Variants in MACROD2 observed in about 807,000 individuals in gnomAD.
MACROD2 encodes the protein mono-ADP ribosylhydrolase 2.
A neutral mutation model predicts 70.4 loss-of-function variants in MACROD2; 36 were observed. The ratio of observed to expected loss-of-function variants is 0.51; its 90% CI spans 0.39 to 0.68. MACROD2 has a LOEUF of 0.68. Ranked by LOEUF, MACROD2 falls within the 30% of genes least tolerant of loss-of-function variation. The pLI is 0.00. For missense variants in MACROD2, 496 were observed against 538.4 expected (o/e 0.92, Z 0.78); for synonymous variants, 172 against 178.8 (o/e 0.96, Z 0.30).
At chr20:14,849,782 A>G (rs2073179742) in intron 5 of MACROD2, 1 of 274,580 alleles carries the variant, frequency 3.6e-6, no homozygotes, top group East Asian at 1.1e-4. Flanking sequence ...CTTTGTCTCA[A>G]AATAAATACA....
intron 8 of MACROD2, among the ~76,000 whole-genome samples, chr20:15,541,893 C>A (rs140077830): frequency 6.6e-6 from 1 of 152,208 alleles, no homozygotes; most frequent in Non-Finnish European, 1.5e-5. Context: ...CCCACTACAC[C>A]ACATGGGAAT....
intron 4 of MACROD2, among the ~76,000 whole-genome samples, chr20:14,567,537 A>T (rs190636418): frequency 1.3e-5 from 2 of 152,048 alleles, no homozygotes; most frequent in Non-Finnish European, 2.9e-5. Context: ...ACATGCTAGC[A>T]TGGCTATACT....
At chr20:14,454,418 G>GT (rs56799693) in intron 3 of MACROD2, among the ~76,000 whole-genome samples, 38,124 of 145,616 alleles carry the variant, frequency 0.26, 5,001 homozygotes, top group Admixed American at 0.31. Context: ...TTCCACATGA[G>GT]TTTTTTTTTT....
intron 4 of MACROD2, among the ~76,000 whole-genome samples, chr20:14,591,675 G>A (rs1041561978): frequency 5.9e-5 from 9 of 152,116 alleles, no homozygotes; most frequent in Non-Finnish European, 5.9e-5. Context: ...TTGAGGAGAC[G>A]TTTTTATGCA....
intron 4 of MACROD2, among the ~76,000 whole-genome samples, chr20:14,579,187 TGC>T (rs1980833886): frequency 7.5e-6 from 1 of 132,748 alleles, no homozygotes; most frequent in Non-Finnish European, 1.6e-5. Context: ...CAGGCCGGAC[TGC>T]GGACTGCAGT....
chr20:15,344,280 G>T (rs2078140385), intron 6 of MACROD2, among the ~76,000 whole-genome samples: 1 of 151,990 alleles, frequency 6.6e-6, no homozygotes, highest in Non-Finnish European at 1.5e-5. Flanking sequence ...TTTTCTCCTT[G>T]GTACTGTCCA....
intron 3 of MACROD2, among the ~76,000 whole-genome samples, chr20:14,098,415 A>AAC (rs1044881078): frequency 6.0e-4 from 91 of 152,320 alleles, no homozygotes; most frequent in African/African-American, 2.1e-3. Flanking sequence ...AGTGTACGTT[A>AAC]ACAATGTGTT....
chr20:14,474,871 G>T (rs1265876812), intron 3 of MACROD2, among the ~76,000 whole-genome samples: 1 of 152,102 alleles, frequency 6.6e-6, no homozygotes, highest in Non-Finnish European at 1.5e-5. Flanking sequence ...TACAGGTAAA[G>T]TGAGTTTCTT....
chr20:14,136,876 C>A (rs1163922869), intron 3 of MACROD2, among the ~76,000 whole-genome samples: 1 of 152,188 alleles, frequency 6.6e-6, no homozygotes, highest in African/African-American at 2.4e-5. Flanking sequence ...AACTCAAATT[C>A]CATCTGCCCC....
intron 6 of MACROD2, among the ~76,000 whole-genome samples, chr20:15,349,884 G>A (rs1176532620): frequency 6.6e-6 from 1 of 152,060 alleles, no homozygotes; most frequent in East Asian, 1.9e-4. Context: ...TCTTTTGGGG[G>A]GACCTCATCT....
At chr20:15,172,570 CTTTTG>C (rs947798803) in intron 5 of MACROD2, among the ~76,000 whole-genome samples, 4 of 150,944 alleles carry the variant, frequency 2.6e-5, no homozygotes, top group African/African-American at 9.7e-5. Flanking sequence ...GTTTTTTTTT[CTTTTG>C]TTTTGTTTTA....
intron 3 of MACROD2, among the ~76,000 whole-genome samples, chr20:14,432,117 G>A (rs1253901428): frequency 3.9e-5 from 6 of 152,114 alleles, no homozygotes; most frequent in South Asian, 4.1e-4. Context: ...TCCTTAGAGC[G>A]TACAGGGCCT....
chr20:15,714,924 C>G (rs1449055266), intron 8 of MACROD2, among the ~76,000 whole-genome samples: 1 of 151,980 alleles, frequency 6.6e-6, no homozygotes, highest in Non-Finnish European at 1.5e-5. Flanking sequence ...CCAGTTTTTT[C>G]AATTAAATAC....
intron 3 of MACROD2, among the ~76,000 whole-genome samples, chr20:14,157,863 T>C (rs1432362722): frequency 6.6e-6 from 1 of 152,224 alleles, no homozygotes; most frequent in African/African-American, 2.4e-5. Context: ...TCTTTACTCT[T>C]GTGAATAGTG....
chr20:14,259,841 T>C (rs765602278), intron 3 of MACROD2, among the ~76,000 whole-genome samples: 1 of 152,220 alleles, frequency 6.6e-6, no homozygotes, highest in Non-Finnish European at 1.5e-5. Flanking sequence ...CTATCCTTTG[T>C]TTATGGGATA....
At chr20:15,416,467 A>C (rs989362220) in intron 6 of MACROD2, among the ~76,000 whole-genome samples, 2 of 152,212 alleles carry the variant, frequency 1.3e-5, no homozygotes, top group African/African-American at 4.8e-5. Flanking sequence ...ATCAAGCTGC[A>C]TAATCACAAT....
chr20:15,063,596 A>G (rs2075551305), intron 5 of MACROD2, among the ~76,000 whole-genome samples: 1 of 152,186 alleles, frequency 6.6e-6, no homozygotes, highest in African/African-American at 2.4e-5. Context: ...TTGTATACAC[A>G]TTCAAATAAA....
At chr20:14,541,072 C>T (rs1366741795) in intron 4 of MACROD2, among the ~76,000 whole-genome samples, 1 of 152,180 alleles carries the variant, frequency 6.6e-6, no homozygotes, top group Non-Finnish European at 1.5e-5. Context: ...AATCATATTA[C>T]ATCTTAATTA....
At position 15,995,649 on chromosome 20, in the gene MACROD2, C is replaced by CTTTTTTTTTTTTTTTTTTTTTTTTTTTT. The variant is rs71192310; in HGVS notation, c.1153+8511_1153+8512insTTTTTTTTTTTTTTTTTTTTTTTTTTTT. On this transcript the variant is annotated intron_variant, in intron 15 of 17. Transcript: ENST00000684519. ...ACAGGCATGAGCCACTATGCCCGGC[C>CTTTTTTTTTTTTTTTTTTTTTTTTTTTT]TTTTTTTTTTTTTTTTTTTTAACTT... is the stretch of plus-strand genomic sequence containing the variant. Among the ~76,000 whole-genome samples, 33 of 85,478 alleles carry CTTTTTTTTTTTTTTTTTTTTTTTTTTTT rather than the reference C, an allele frequency of 3.9e-4. 1 individual carries two copies. The highest frequency in any genetic ancestry group is 1.2e-3 in the South Asian group (2 of 1,722). The allele number at this position is 85,478 out of a possible 152,430, so 56.1% of individuals were successfully genotyped here. A position where few individuals can be genotyped will look rare whatever the true frequency, so the allele number is the denominator to read the frequency against.
Sources: allele counts gnomAD v4.1 joint callset (sites outside exome capture counted in the v4.1 genomes callset), GRCh38; gene constraint gnomAD v4.1.1; transcripts MANE v1.5; gene names NCBI Gene and HGNC (gene_info 2026-07-23, HGNC 2026-07-21).